CNGB1: variants seen among roughly 807,000 people sequenced by gnomAD.
CNGB1 encodes cyclic nucleotide-gated channel beta-1.
CNGB1 carries 126 observed loss-of-function variants against 151.7 expected under a neutral mutation model. The ratio of observed to expected loss-of-function variants is 0.83; its 90% CI spans 0.72 to 0.96. CNGB1 has a LOEUF of 0.96. Among genes scored for constraint, CNGB1 ranks in the 40% least tolerant of loss-of-function variants. CNGB1 has a pLI of 0.00. For missense variants in CNGB1, 1,698 were observed against 1,627.0 expected (o/e 1.04, Z -0.75); for synonymous variants, 623 against 635.1 (o/e 0.98, Z 0.29).
intron 18 of CNGB1, among the ~76,000 whole-genome samples, chr16:57,922,381 A>C (rs1409243084): frequency 6.6e-6 from 1 of 151,180 alleles, no homozygotes; most frequent in African/African-American, 2.4e-5. Context: ...TCAGAGACCC[A>C]GGTCCCAATG....
chr16:57,923,312 A>G lies in CNGB1; in HGVS notation c.1604T>C (p.Val535Ala), dbSNP rs12927214. The G allele has an allele frequency of 0.051, 81,798 of 1,607,182 alleles. 2,371 individuals carry two copies. The highest frequency in any genetic ancestry group is 0.087 in the African/African-American group (6,500 of 74,690). ...GGTGGTGGGGTCAGACCAGGCAACC[A>G]CTGGGGACTCTGCTGGTGACAACGC... ...LKALSPAESP[V>A]VAWSDPTTPK... Residue 535 changes from valine to alanine, a missense_variant, in exon 18 of 33, where the codon GTG (valine) becomes GCG (alanine). Coordinates refer to ENST00000251102, the MANE Select transcript of CNGB1 (RefSeq NM_001297.5).
At chr16:57,938,399 C>T (rs1418085607) in intron 16 of CNGB1, among the ~76,000 whole-genome samples, 1 of 152,224 alleles carries the variant, frequency 6.6e-6, no homozygotes, top group East Asian at 1.9e-4. Context: ...CCCATTTCAA[C>T]CACTCGCTGG....
At position 57,950,294 on chromosome 16, in the gene CNGB1, G is replaced by A. The variant is rs958326735; in HGVS notation, c.1034+87C>T. On this transcript the variant is annotated intron_variant, in intron 13 of 32. Coordinates refer to ENST00000251102, the MANE Select transcript of CNGB1 (RefSeq NM_001297.5). ...GAAGCAGGCTTGGTTCCTGCTCTGT[G>A]CCTTTTCATCTTTGAGATAAGGTAC... is the stretch of plus-strand genomic sequence containing the variant. 38 of 1,512,778 alleles carry A rather than the reference G, an allele frequency of 2.5e-5. 1 individual carries two copies. The highest frequency in any genetic ancestry group is 3.4e-4 in the Middle Eastern group (2 of 5,874). The allele number at this position is 1,512,778 out of a possible 1,614,324, so 93.7% of individuals were successfully genotyped here. A position where few individuals can be genotyped will look rare whatever the true frequency, so the allele number is the denominator to read the frequency against.
At chr16:57,938,018 G>A (rs1193617536) in intron 16 of CNGB1, among the ~76,000 whole-genome samples, 1 of 152,214 alleles carries the variant, frequency 6.6e-6, no homozygotes. Context: ...TTGTTACCAC[G>A]AGGAGTCTGA....
intron 18 of CNGB1, among the ~76,000 whole-genome samples, chr16:57,922,427 C>CTTTTTTTTTT (rs202188548): frequency 4.9e-5 from 7 of 142,080 alleles, no homozygotes; most frequent in African/African-American, 2.0e-4. Flanking sequence ...TTCTTTCTTT[C>CTTTTTTTTTT]TTTCTTTTTT....
chr16:57,903,573 G>A (rs748759579), intron 27 of CNGB1, among the ~76,000 whole-genome samples: 41 of 152,320 alleles, frequency 2.7e-4, no homozygotes, highest in Non-Finnish European at 4.1e-4. Context: ...TGGGTAAAGT[G>A]AGGGGGGCAG....
At chr16:57,960,305 G>T (rs537221847) in intron 9 of CNGB1, among the ~76,000 whole-genome samples, 177 bp downstream of exon 9, 13 of 152,288 alleles carry the variant, frequency 8.5e-5, no homozygotes, top group Admixed American at 5.2e-4. Context: ...TCCCAGCCTG[G>T]ACTGGGGAGG....
chr16:57,969,255 G>A (rs1341030135), intron 1 of CNGB1, among the ~76,000 whole-genome samples: 4 of 152,126 alleles, frequency 2.6e-5, no homozygotes, highest in Admixed American at 6.6e-5. Flanking sequence ...GCAGTGAGCC[G>A]AGATCGTGCC....
chr16:57,901,922 C>T (rs1181813249), intron 27 of CNGB1, among the ~76,000 whole-genome samples: 2 of 152,212 alleles, frequency 1.3e-5, no homozygotes, highest in African/African-American at 4.8e-5. Flanking sequence ...CACTCAGCTA[C>T]TATGTTAGTA....
intron 1 of CNGB1, among the ~76,000 whole-genome samples, chr16:57,968,368 G>A (rs1198405400): frequency 6.6e-6 from 1 of 152,044 alleles, no homozygotes; most frequent in African/African-American, 2.4e-5. Flanking sequence ...ATGGTTGCAG[G>A]CACCTGTAAT....
At chr16:57,906,493 G>A (rs1348013408) in intron 25 of CNGB1, among the ~76,000 whole-genome samples, 5 of 152,198 alleles carry the variant, frequency 3.3e-5, no homozygotes, top group Non-Finnish European at 5.9e-5. Flanking sequence ...GAGTGTGGTA[G>A]GGGCTCTGCC....
chr16:57,914,140 C>T (rs1960801784), intron 23 of CNGB1, among the ~76,000 whole-genome samples: 1 of 152,192 alleles, frequency 6.6e-6, no homozygotes, highest in Non-Finnish European at 1.5e-5. Flanking sequence ...GAGTTTTGTC[C>T]ACTGAATGGT....
At chr16:57,957,210 A>T (rs990989007) in intron 12 of CNGB1, 131 bp downstream of exon 12, 3 of 739,324 alleles carry the variant, frequency 4.1e-6, no homozygotes, top group Admixed American at 4.2e-5. Flanking sequence ...AGCCCAGGAG[A>T]CCCTAACTGC....
chr16:57,888,025 T>C lies in CNGB1; in HGVS notation c.3292A>G (p.Ile1098Val), dbSNP rs1959981936. ...GGGGTGCCCGCCCGGGGTGGAAGGATCAGCACGCTCTTCTCCTCCTTGGGC... is the reference window on the plus strand; with the variant it reads ...GGGGTGCCCGCCCGGGGTGGAAGGACCAGCACGCTCTTCTCCTCCTTGGGC... ...NKPKEEKSVLILPPRAGTPKL... is the reference protein window; with the variant it reads ...NKPKEEKSVLVLPPRAGTPKL... Residue 1098 changes from isoleucine (I) to valine (V), a missense_variant, in exon 32 of 33, where the codon ATC (isoleucine) becomes GTC (valine). Physicochemically the swap from Ile to Val is conservative, Grantham distance 29. Coordinates refer to ENST00000251102, the MANE Select transcript of CNGB1 (RefSeq NM_001297.5). 6.2e-7 allele frequency: 1 copy of C among 1,614,132 alleles called. No homozygotes were observed. Among genetic ancestry groups the C allele is most frequent in the East Asian group, 2.2e-5 (1 of 44,880 alleles).
chr16:57,955,071 T>TG (rs36084276), intron 12 of CNGB1: 1 of 1,343,794 alleles, frequency 7.4e-7, no homozygotes. Flanking sequence ...CACAGCCCTC[T>TG]GGGGGTAAGT....
At position 57,960,043 on chromosome 16, in the gene CNGB1, T is replaced by C. The variant is rs76788887; in HGVS notation, c.606A>G (p.Glu202=). 0.019 allele frequency: 28,926 copies of C among 1,562,990 alleles called. 308 individuals carry two copies. Among genetic ancestry groups the C allele is most frequent in the Middle Eastern group, 0.032 (176 of 5,418 alleles). The change falls in exon 10 of 33, where the codon GAA becomes GAG. Residue 202 remains glutamate (E), a synonymous_variant. Transcript: ENST00000251102. ...CCCGGGCCTGCAGCTTGGGCCCCAT[T>C]TCCTGGGGGCGTCCTGGAGGCGCTA... is the stretch of plus-strand genomic sequence containing the variant. ...SDPAPPGRPQ[E]MGPKLQARET...
At chr16:57,962,161 C>A (rs1962274946) in intron 7 of CNGB1, among the ~76,000 whole-genome samples, 1 of 152,160 alleles carries the variant, frequency 6.6e-6, no homozygotes, top group Non-Finnish European at 1.5e-5. Flanking sequence ...GGGGCAGCCA[C>A]CCCTCCCTGA....
chr16:57,944,585 A>G (rs993490281), intron 14 of CNGB1, among the ~76,000 whole-genome samples: 11 of 152,234 alleles, frequency 7.2e-5, no homozygotes, highest in Non-Finnish European at 1.3e-4. Context: ...AATTAGCTCA[A>G]TTTAGCCATT....
rs771580724 is a variant in CNGB1 at position 57,904,698 on chromosome 16, C to G, written c.2634+36G>C. ...CAACAGTGGGAGGGGGCCCTGCAGT[C>G]AGGTGGGGTGGGAAGCTGGGCTGGT... is the stretch of plus-strand genomic sequence containing the variant. On this transcript the variant is annotated intron_variant, in intron 26 of 32. Transcript: ENST00000251102. 7 of 1,613,396 alleles carry G rather than the reference C, an allele frequency of 4.3e-6. No homozygotes were observed. The Admixed American group carries it at 1.0e-4, about 23-fold the overall frequency.
Sources: gnomAD v4.1 joint callset for allele counts (sites outside exome capture counted in the v4.1 genomes callset) on GRCh38, gnomAD v4.1.1 for gene constraint, MANE v1.5 for transcripts, NCBI Gene and HGNC (gene_info 2026-07-23, HGNC 2026-07-21) for gene names.